The following TRPS1 variants were observed in gnomAD, a reference collection of about 807,000 sequenced individuals.
TRPS1 encodes transcriptional repressor GATA binding 1.
In TRPS1, 6 loss-of-function variants were observed where a neutral mutation model predicts 101.2. The ratio of observed to expected loss-of-function variants is 0.06; its 90% CI spans 0.03 to 0.12. TRPS1 has a LOEUF of 0.12. Ranked by LOEUF, TRPS1 falls within the 10% of genes least tolerant of loss-of-function variation. The probability of loss-of-function intolerance (pLI) is 1.00; values close to 1 mark genes in which losing one functional copy is unlikely to be tolerated. For synonymous variants in TRPS1, 578 were observed against 589.8 expected (o/e 0.98, Z 0.29); for missense variants, 1,363 against 1,567.0 (o/e 0.87, Z 2.20).
chr8:115,575,742 T>C (rs1260470521), intron 5 of TRPS1, among the ~76,000 whole-genome samples: 1 of 152,102 alleles, frequency 6.6e-6, no homozygotes. Flanking sequence ...AGTAATGACA[T>C]ATGATCTCTG....
At chr8:115,492,140 G>A (rs1815039282) in intron 5 of TRPS1, 1 of 454,828 alleles carries the variant, frequency 2.2e-6, no homozygotes, top group Admixed American at 2.4e-5. Context: ...GTGACGTTTG[G>A]TTAGTCAGGA....
At chr8:115,611,929 T>C (rs898742950) in intron 3 of TRPS1, among the ~76,000 whole-genome samples, 1 of 152,232 alleles carries the variant, frequency 6.6e-6, no homozygotes, top group Non-Finnish European at 1.5e-5. Flanking sequence ...GGAGAGCTGA[T>C]ATTTACATAA....
At chr8:115,629,304 G>C (rs1344289973) in intron 1 of TRPS1, among the ~76,000 whole-genome samples, 1 of 151,678 alleles carries the variant, frequency 6.6e-6, no homozygotes, top group Non-Finnish European at 1.5e-5. Flanking sequence ...GAAGATTGAG[G>C]CATATCATCA....
At chr8:115,576,401 T>G (rs941972983) in intron 5 of TRPS1, among the ~76,000 whole-genome samples, 1 of 152,106 alleles carries the variant, frequency 6.6e-6, no homozygotes. Context: ...TTCATAGATC[T>G]GAATGTTTAA....
intron 5 of TRPS1, among the ~76,000 whole-genome samples, chr8:115,482,707 C>T (rs1814784292): frequency 1.3e-5 from 2 of 152,038 alleles, no homozygotes; most frequent in South Asian, 4.1e-4. Flanking sequence ...CATCAAAGAT[C>T]AAATCTAGAG....
intron 1 of TRPS1, among the ~76,000 whole-genome samples, chr8:115,647,111 T>C (rs1228134490): frequency 6.6e-6 from 1 of 152,164 alleles, no homozygotes; most frequent in East Asian, 1.9e-4. Context: ...CTATTTTCTT[T>C]ACCTAATATT....
At chr8:115,535,475 A>G (rs560000725) in intron 5 of TRPS1, among the ~76,000 whole-genome samples, 21 of 148,810 alleles carry the variant, frequency 1.4e-4, no homozygotes, top group Non-Finnish European at 2.1e-4. Context: ...TATACATATC[A>G]CACATATATA....
intron 3 of TRPS1, among the ~76,000 whole-genome samples, chr8:115,611,540 T>C (rs925871959): frequency 6.6e-6 from 1 of 152,148 alleles, no homozygotes; most frequent in Non-Finnish European, 1.5e-5. Context: ...ACAGGTTCCA[T>C]GACAACACAG....
chr8:115,516,106 A>G (rs969553193), intron 5 of TRPS1, among the ~76,000 whole-genome samples: 1 of 47,266 alleles, frequency 2.1e-5, no homozygotes, highest in African/African-American at 8.5e-5. Flanking sequence ...AGGGGAAAAG[A>G]AAACAAAGGC....
At position 115,623,641 on chromosome 8, in the gene TRPS1, G is replaced by A. The variant is rs754100237; in HGVS notation, c.-4C>T. On this transcript the variant is annotated 5_prime_UTR_variant, in exon 2 of 7. Coordinates refer to ENST00000395715, the MANE Select transcript of TRPS1 (RefSeq NM_014112.5). ...CAGCATTGACTTCATAAGGCATGTG[G>A]CTTTAGAGTGCTTTTTACAATTATT... 3 of 1,592,206 alleles carry A rather than the reference G, an allele frequency of 1.9e-6. No individual in the cohort carries two copies. The highest frequency in any genetic ancestry group is 2.6e-6 in the Non-Finnish European group (3 of 1,168,000).
rs754887666 is a variant in TRPS1, at chr8:115,418,464, G to GA, written c.2701-13dup. The GA allele has an allele frequency of 1.1e-5, 17 of 1,613,980 alleles. No homozygotes were observed. Among genetic ancestry groups the GA allele is most frequent in the East Asian group, 2.2e-5 (1 of 44,886 alleles). On this transcript the variant is annotated splice_polypyrimidine_tract_variant and intron_variant, in intron 5 of 6. Coordinates refer to ENST00000395715, the MANE Select transcript of TRPS1 (RefSeq NM_014112.5). This position sits in a 1 kb window ranked among gnomAD's most constrained non-coding sequence, Gnocchi z 4.3. ...GAGCCTCTACGCCTCTGAAACAGGG[G>GA]AAAAAAACCAAGGTCAGAGGTGAGT...
chr8:115,550,627 ATCT>A (rs1487595383), intron 5 of TRPS1, among the ~76,000 whole-genome samples: 3 of 152,220 alleles, frequency 2.0e-5, no homozygotes, highest in African/African-American at 7.2e-5. Flanking sequence ...GGTACTGGAA[ATCT>A]TCTACCAAGC....
At chr8:115,634,690 C>T (rs369143319) in intron 1 of TRPS1, among the ~76,000 whole-genome samples, 4 of 151,844 alleles carry the variant, frequency 2.6e-5, no homozygotes, top group Non-Finnish European at 5.9e-5. Context: ...TAAATGACTT[C>T]GTAAAAGAGT....
At chr8:115,609,630 C>G (rs1818118539) in intron 3 of TRPS1, among the ~76,000 whole-genome samples, 1 of 152,168 alleles carries the variant, frequency 6.6e-6, no homozygotes, top group African/African-American at 2.4e-5. Context: ...CAAAATGCAT[C>G]TTTTGTCCAC....
chr8:115,565,907 A>G (rs1817056945), intron 5 of TRPS1, among the ~76,000 whole-genome samples: 1 of 152,120 alleles, frequency 6.6e-6, no homozygotes, highest in Non-Finnish European at 1.5e-5. Context: ...CACCAAATTA[A>G]AAGGACGAAA....
intron 5 of TRPS1, among the ~76,000 whole-genome samples, chr8:115,527,662 T>C (rs1389337637): frequency 1.3e-5 from 2 of 152,018 alleles, no homozygotes; most frequent in Non-Finnish European, 2.9e-5. Context: ...TAGCCAATTA[T>C]ACCCTCACTT....
intron 5 of TRPS1, among the ~76,000 whole-genome samples, chr8:115,562,253 A>C (rs1816962873): frequency 6.6e-6 from 1 of 152,054 alleles, no homozygotes; most frequent in Non-Finnish European, 1.5e-5. Context: ...AAAGAGGAAG[A>C]CCATTCCCTT....
At chr8:115,548,081 AAAT>A (rs1275089722) in intron 5 of TRPS1, among the ~76,000 whole-genome samples, 13 of 151,800 alleles carry the variant, frequency 8.6e-5, no homozygotes, top group African/African-American at 3.1e-4. Context: ...AAAAAAAAAA[AAAT>A]AAGTCTGGTG....
chr8:115,508,156 G>A (rs1815493203), intron 5 of TRPS1, among the ~76,000 whole-genome samples: 1 of 152,088 alleles, frequency 6.6e-6, no homozygotes, highest in African/African-American at 2.4e-5. Context: ...ATTAGTGCAT[G>A]TTCAAAATGA....
Sources: gnomAD v4.1 joint callset for allele counts (sites outside exome capture counted in the v4.1 genomes callset) on GRCh38, gnomAD v4.1.1 for gene constraint, Gnocchi (gnomAD v3.1) non-coding constraint, MANE v1.5 for transcripts, NCBI Gene and HGNC (gene_info 2026-07-23, HGNC 2026-07-21) for gene names.